Variants in TENM3 observed in about 807,000 individuals in gnomAD.
The protein encoded by TENM3 is teneurin transmembrane protein 3.
TENM3 carries 63 observed loss-of-function variants against 255.1 expected under a neutral mutation model. The observed-to-expected ratio is 0.25, with a 90% CI of 0.20 to 0.30. TENM3 has a LOEUF of 0.30. TENM3 is among the 10% of genes least tolerant of loss of function. The pLI is 1.00. For missense variants in TENM3, 2,929 were observed against 3,461.1 expected (o/e 0.85, Z 3.86); for synonymous variants, 1,306 against 1,322.3 (o/e 0.99, Z 0.27).
the TENM3 span, among the ~76,000 whole-genome samples, chr4:181,655,997 A>G: frequency 6.6e-6 from 1 of 152,150 alleles, no homozygotes; most frequent in African/African-American, 2.4e-5. Context: ...GCATTTGAGG[A>G]GGCTCTGCCA....
chr4:181,581,468 A>G, the TENM3 span, among the ~76,000 whole-genome samples: 2 of 151,966 alleles, frequency 1.3e-5, no homozygotes, highest in African/African-American at 4.8e-5. Context: ...AAACAAAACA[A>G]ACACCCACAG....
At chr4:181,951,471 G>A in the TENM3 span, among the ~76,000 whole-genome samples, 1 of 152,234 alleles carries the variant, frequency 6.6e-6, no homozygotes, top group African/African-American at 2.4e-5. Context: ...GACACTTGGT[G>A]AGTACCGTGT....
chr4:181,965,017 C>A, the TENM3 span, among the ~76,000 whole-genome samples: 75 of 152,140 alleles, frequency 4.9e-4, 2 homozygotes, highest in South Asian at 0.012. Context: ...GGCGACAGAA[C>A]CTAAAACTTG....
At chr4:181,607,497 C>T in the TENM3 span, among the ~76,000 whole-genome samples, 2 of 152,002 alleles carry the variant, frequency 1.3e-5, no homozygotes, top group Non-Finnish European at 2.9e-5. Flanking sequence ...TCACTGCAAC[C>T]TCCACCTCCT....
chr4:181,917,769 C>G, the TENM3 span, among the ~76,000 whole-genome samples: 628 of 149,070 alleles, frequency 4.2e-3, 15 homozygotes, highest in South Asian at 0.059. Flanking sequence ...TCAAGTGATT[C>G]TCATGCCTCA....
the TENM3 span, among the ~76,000 whole-genome samples, chr4:181,848,191 C>A: frequency 6.6e-6 from 1 of 152,116 alleles, no homozygotes; most frequent in Non-Finnish European, 1.5e-5. Context: ...AAGAACAAAA[C>A]CTGCTAATGT....
At chr4:182,134,054 C>T in the TENM3 span, among the ~76,000 whole-genome samples, 1 of 151,832 alleles carries the variant, frequency 6.6e-6, no homozygotes, top group Non-Finnish European at 1.5e-5. Context: ...CTAAAGGCAA[C>T]AATTAGAAAA....
intron 3 of TENM3, among the ~76,000 whole-genome samples, chr4:182,543,271 C>T (rs558028310): frequency 1.3e-5 from 2 of 152,058 alleles, no homozygotes; most frequent in Non-Finnish European, 2.9e-5. Flanking sequence ...AGTGTCTCAA[C>T]ATAGAGACCA....
At chr4:181,462,224 C>T in the TENM3 span, among the ~76,000 whole-genome samples, 2 of 152,088 alleles carry the variant, frequency 1.3e-5, no homozygotes, top group African/African-American at 2.4e-5. Flanking sequence ...GAGAAATAGC[C>T]GGGAATTTCC....
the TENM3 span, among the ~76,000 whole-genome samples, chr4:181,627,733 C>T: frequency 3.9e-5 from 6 of 152,166 alleles, no homozygotes; most frequent in African/African-American, 9.7e-5. Flanking sequence ...TCCGGTCTAT[C>T]ATTGATGGAC....
chr4:182,296,182 C>T (rs1414793064), intron 1 of TENM3, among the ~76,000 whole-genome samples: 4 of 152,070 alleles, frequency 2.6e-5, no homozygotes, highest in Admixed American at 6.6e-5. Context: ...AGGCTGGTCT[C>T]GAACTCCCGA....
intron 22 of TENM3, among the ~76,000 whole-genome samples, chr4:182,760,144 T>C (rs192354993): frequency 3.0e-4 from 46 of 152,302 alleles, no homozygotes; most frequent in African/African-American, 1.1e-3. Flanking sequence ...TCCCCTTGTA[T>C]GAAGACACTG....
the TENM3 span, among the ~76,000 whole-genome samples, chr4:181,936,272 G>C: frequency 1.3e-5 from 2 of 152,098 alleles, no homozygotes; most frequent in South Asian, 2.1e-4. Flanking sequence ...GTGTGTGCCT[G>C]TCGTCCCAGC....
At chr4:182,676,377 T>C (rs1367710017) in intron 7 of TENM3, among the ~76,000 whole-genome samples, 2 of 152,142 alleles carry the variant, frequency 1.3e-5, no homozygotes, top group Non-Finnish European at 2.9e-5. Context: ...GAAGCCTGAG[T>C]TCTAGCATAC....
the TENM3 span, among the ~76,000 whole-genome samples, chr4:182,124,697 A>T: frequency 5.9e-5 from 9 of 152,178 alleles, no homozygotes; most frequent in Non-Finnish European, 1.3e-4. Flanking sequence ...AGAAAGTGAG[A>T]AGCTGTGACC....
At chr4:181,985,681 G>T in the TENM3 span, among the ~76,000 whole-genome samples, 3 of 152,192 alleles carry the variant, frequency 2.0e-5, no homozygotes, top group Admixed American at 2.0e-4. Context: ...CAAGCAAATT[G>T]TATTTTAAAT....
the TENM3 span, among the ~76,000 whole-genome samples, chr4:181,556,784 C>A: frequency 1.3e-5 from 2 of 152,104 alleles, no homozygotes; most frequent in African/African-American, 2.4e-5. Context: ...GATTTCATAA[C>A]ATTTTTCATT....
the TENM3 span, among the ~76,000 whole-genome samples, chr4:181,683,731 G>C: frequency 6.6e-6 from 1 of 152,170 alleles, no homozygotes. Context: ...GTGGCTGCAG[G>C]AATGGAGCAG....
chr4:182,226,721 C>T (rs1301476431), intron 1 of TENM3, among the ~76,000 whole-genome samples: 2 of 152,136 alleles, frequency 1.3e-5, no homozygotes, highest in African/African-American at 4.8e-5. Context: ...CCAGTCATTA[C>T]TCCAAATGTT....
Sources: allele counts gnomAD v4.1 joint callset (sites outside exome capture counted in the v4.1 genomes callset), GRCh38; gene constraint gnomAD v4.1.1; transcripts MANE v1.5; gene names NCBI Gene and HGNC (gene_info 2026-07-23, HGNC 2026-07-21).